The following FOCAD variants were observed in gnomAD, a reference collection of about 807,000 sequenced individuals.
FOCAD encodes the protein KIAA1797.
A neutral mutation model predicts 225.6 loss-of-function variants in FOCAD; 198 were observed. That is an observed-to-expected ratio of 0.88 (90% CI 0.78 to 0.99). The LOEUF is 0.99. Among genes scored for constraint, FOCAD ranks in the 50% least tolerant of loss-of-function variants. The pLI, the probability that FOCAD is intolerant of heterozygous loss-of-function variation, is 0.00. For synonymous variants in FOCAD, 897 were observed against 755.0 expected (o/e 1.19, Z -3.08); for missense variants, 2,713 against 2,123.6 (o/e 1.28, Z -5.46).
intron 1 of FOCAD, among the ~76,000 whole-genome samples, chr9:20,687,192 G>A (rs796490374): frequency 4.6e-5 from 7 of 152,190 alleles, no homozygotes; most frequent in African/African-American, 1.7e-4. Flanking sequence ...ATTTCTTTAG[G>A]CCAAAGGAAA....
chr9:20,866,917 T>TTTTTTTTTTTTAAA lies in FOCAD; in HGVS notation c.2107-12_2107-11insTTTTTTTTTTTAAA. The TTTTTTTTTTTTAAA allele has an allele frequency of 3.9e-6, 3 of 764,968 alleles. No individual in the cohort carries two copies. Among genetic ancestry groups the TTTTTTTTTTTTAAA allele is most frequent in the Non-Finnish European group, 6.0e-6 (3 of 498,464 alleles). 47.4% of individuals were successfully genotyped at this position (764,968 alleles called of 1,614,324 possible). On this transcript the variant is annotated splice_polypyrimidine_tract_variant and intron_variant, in intron 17 of 43. Transcript: ENST00000338382. ...TTTTTTTTTTTTTTTTTTTTTTTTT[T>TTTTTTTTTTTTAAA]ACCCTATCTAGGACCCAATTGTAGC... is the stretch of plus-strand genomic sequence containing the variant.
At position 20,740,444 on chromosome 9, in the gene FOCAD, G is replaced by T. The variant is rs377451702; in HGVS notation, c.392+104G>T. On this transcript the variant is annotated intron_variant, in intron 5 of 43. Coordinates refer to ENST00000338382, the MANE Select transcript of FOCAD (RefSeq NM_001375567.1). ...AAGAATTAGTTATTTAATTCAGCAG[G>T]ATATGCACACAGTGATTGTGGGTGT... 1.7e-5 allele frequency: 11 copies of T among 634,018 alleles called. No homozygotes were observed. The African/African-American group carries it at 1.9e-4, about 11-fold the overall frequency. The allele number at this position is 634,018 out of a possible 1,614,324, so 39.3% of individuals were successfully genotyped here.
intron 24 of FOCAD, among the ~76,000 whole-genome samples, chr9:20,922,752 G>A (rs1834564253): frequency 6.6e-6 from 1 of 152,198 alleles, no homozygotes; most frequent in South Asian, 2.1e-4. Context: ...CCACATCAAA[G>A]GACTGAGGAC....
chr9:20,746,954 A>C (rs1414021360), intron 5 of FOCAD, among the ~76,000 whole-genome samples: 1 of 152,210 alleles, frequency 6.6e-6, no homozygotes, highest in Admixed American at 6.5e-5. Flanking sequence ...GGTTAATCAC[A>C]TCTGGAGGTA....
intron 35 of FOCAD, among the ~76,000 whole-genome samples, chr9:20,972,459 T>C (rs550459394): frequency 2.0e-5 from 3 of 152,260 alleles, no homozygotes; most frequent in South Asian, 2.1e-4. Flanking sequence ...GGAAAATGTC[T>C]AAGTTCTTTG....
At chr9:20,780,361 C>G (rs1318102568) in intron 9 of FOCAD, among the ~76,000 whole-genome samples, 1 of 152,158 alleles carries the variant, frequency 6.6e-6, no homozygotes. Context: ...AAGCTATGTT[C>G]TTATATTGTG....
intron 15 of FOCAD, among the ~76,000 whole-genome samples, chr9:20,856,936 T>C (rs1487557755): frequency 6.6e-6 from 1 of 151,994 alleles, no homozygotes; most frequent in Non-Finnish European, 1.5e-5. Context: ...TATTCTGTTC[T>C]ATTGGTCTAT....
chr9:20,762,410 C>T (rs943387086), intron 6 of FOCAD, among the ~76,000 whole-genome samples: 4 of 152,270 alleles, frequency 2.6e-5, no homozygotes, highest in Admixed American at 1.3e-4. Flanking sequence ...AAAATTTCTT[C>T]AGACTGTGAG....
In FOCAD at chr9:20,957,478, C is replaced by CTTTTTTTT. The variant is rs58324778; in HGVS notation, c.4132+4422_4132+4429dup. 4.2e-3 allele frequency: 340 copies of CTTTTTTTT among 81,452 alleles called. 61 individuals are homozygous for CTTTTTTTT. Among genetic ancestry groups the CTTTTTTTT allele is most frequent in the African/African-American group, 9.7e-3 (199 of 20,412 alleles). 5.0% of individuals were successfully genotyped at this position (81,452 alleles called of 1,614,324 possible). On this transcript the variant is annotated intron_variant, in intron 35 of 43. Coordinates refer to ENST00000338382, the MANE Select transcript of FOCAD (RefSeq NM_001375567.1). Reference sequence around the variant, plus strand: ...AATTTTAGTGAACATCTTTTCTTTTCTTTTTTTTTTTTTTTTGAGACAGTC... The same window carrying CTTTTTTTT: ...AATTTTAGTGAACATCTTTTCTTTTCTTTTTTTTTTTTTTTTTTTTTTTTGAGACAGTC...
chr9:20,929,237 T>A, intron 26 of FOCAD, 121 bp from the exon 27 acceptor site: 1 of 694,688 alleles, frequency 1.4e-6, no homozygotes, highest in South Asian at 2.0e-5. Flanking sequence ...AAATGTATTA[T>A]TTTGGGTGTC....
chr9:20,733,607 T>C (rs1205107432), intron 4 of FOCAD, among the ~76,000 whole-genome samples: 3 of 152,092 alleles, frequency 2.0e-5, no homozygotes, highest in Non-Finnish European at 4.4e-5. Context: ...ACATGCGGTG[T>C]TTGGTTTTTT....
At chr9:20,986,794 T>C (rs1168529305) in intron 40 of FOCAD, among the ~76,000 whole-genome samples, 1 of 152,194 alleles carries the variant, frequency 6.6e-6, no homozygotes, top group Non-Finnish European at 1.5e-5. Context: ...TTCTGCCTGA[T>C]GATTTCATGA....
chr9:20,720,417 G>T lies in FOCAD; in HGVS notation c.170G>T (p.Ser57Ile), dbSNP rs370646236. ...AACTTGCTGTGGGAGAAGTGTTGCA[G>T]TGACAATGTAGTGGTTCGAACAGCC... The part of the protein sequence containing the change: ...ALNLLWEKCC[S>I]DNVVVRTACC... The change falls in exon 4 of 44, where the codon AGT becomes ATT. Residue 57 changes from serine (S) to isoleucine (I), a missense_variant. Ser to Ile is a moderately radical substitution (Grantham distance 142). Coordinates refer to ENST00000338382, the MANE Select transcript of FOCAD (RefSeq NM_001375567.1). 5 of 1,614,010 alleles carry T rather than the reference G, an allele frequency of 3.1e-6. No homozygotes were observed. The African/African-American group carries it at 6.7e-5, about 22-fold the overall frequency.
intron 4 of FOCAD, among the ~76,000 whole-genome samples, chr9:20,729,526 G>A (rs944536881): frequency 1.3e-5 from 2 of 152,126 alleles, no homozygotes; most frequent in Non-Finnish European, 2.9e-5. Context: ...TAGGTACTGG[G>A]GGTTGGGATT....
rs76872931 is a variant in FOCAD, at chr9:20,990,241, C to T, written c.5123C>T (p.Pro1708Leu). Residue 1708 changes from proline (P) to leucine (L), a missense_variant, in exon 42 of 44, where the codon CCG becomes CTG. By Grantham distance (98) the Pro-to-Leu change is moderately conservative. Coordinates refer to ENST00000338382, the MANE Select transcript of FOCAD (RefSeq NM_001375567.1). ...SWLPWHQENG[P>L]AGPVPSFLGR... ...TTGCCATGGCATCAGGAGAATGGCCCGGCTGGGCCAGTACCAAGCTTCCTT... is the reference window on the plus strand; with the variant it reads ...TTGCCATGGCATCAGGAGAATGGCCTGGCTGGGCCAGTACCAAGCTTCCTT... The T allele has an allele frequency of 6.8e-6, 11 of 1,614,054 alleles. No homozygotes were observed. Among genetic ancestry groups the T allele is most frequent in the South Asian group, 4.4e-5 (4 of 91,084 alleles).
At chr9:20,928,005 TG>T (rs1286861136) in intron 26 of FOCAD, 1 of 152,160 alleles carries the variant, frequency 6.6e-6, no homozygotes, top group African/African-American at 2.4e-5. Flanking sequence ...AGATAAATTT[TG>T]CTCAAAAAGT....
intron 2 of FOCAD, among the ~76,000 whole-genome samples, chr9:20,667,316 C>T (rs1228624141): frequency 1.3e-5 from 2 of 152,092 alleles, no homozygotes; most frequent in South Asian, 2.1e-4. Context: ...AAAAATAATC[C>T]ACTCGTTTAT....
At chr9:20,755,529 G>A (rs1314345133) in intron 5 of FOCAD, among the ~76,000 whole-genome samples, 1 of 152,006 alleles carries the variant, frequency 6.6e-6, no homozygotes, top group African/African-American at 2.4e-5. Context: ...GATTCTTAGC[G>A]GTTTTTTTTG....
chr9:20,956,228 G>A (rs973494325), intron 35 of FOCAD, among the ~76,000 whole-genome samples: 1 of 152,208 alleles, frequency 6.6e-6, no homozygotes, highest in African/African-American at 2.4e-5. Context: ...AACAGACTTA[G>A]TGAACTCTGA....
Sources: allele counts gnomAD v4.1 joint callset (sites outside exome capture counted in the v4.1 genomes callset), GRCh38; gene constraint gnomAD v4.1.1; transcripts MANE v1.5; gene names NCBI Gene and HGNC (gene_info 2026-07-23, HGNC 2026-07-21).